Variants in ADGRL3 observed in about 807,000 individuals in gnomAD.
ADGRL3 encodes the protein calcium-independent alpha-latrotoxin receptor 3.
ADGRL3 carries 62 observed loss-of-function variants against 153.5 expected under a neutral mutation model. That is an observed-to-expected ratio of 0.40 (90% CI 0.33 to 0.50). The LOEUF (loss-of-function observed/expected upper bound fraction) is 0.50. Among genes scored for constraint, ADGRL3 ranks in the 20% least tolerant of loss-of-function variants. ADGRL3 has a pLI of 0.47. For missense variants in ADGRL3, 1,641 were observed against 1,859.4 expected (o/e 0.88, Z 2.16); for synonymous variants, 710 against 672.5 (o/e 1.06, Z -0.86).
At chr4:61,999,268 G>A (rs958592427) in intron 21 of ADGRL3, among the ~76,000 whole-genome samples, 9 of 152,068 alleles carry the variant, frequency 5.9e-5, no homozygotes, top group East Asian at 1.9e-4. Context: ...ACTTTTGTAC[G>A]TTCAGAAAGT....
chr4:61,869,327 G>A (rs571524959), intron 9 of ADGRL3, among the ~76,000 whole-genome samples: 59 of 152,208 alleles, frequency 3.9e-4, no homozygotes, highest in Middle Eastern at 3.4e-3. Flanking sequence ...GGCCGGGCGC[G>A]GTGGCTCACG....
intron 9 of ADGRL3, among the ~76,000 whole-genome samples, chr4:61,892,419 C>T (rs1023748740): frequency 2.0e-5 from 3 of 151,934 alleles, no homozygotes; most frequent in African/African-American, 7.3e-5. Flanking sequence ...TTCGAAGAAC[C>T]CTTAAAAAGC....
rs534063751 is a variant in ADGRL3, at chr4:61,760,164, A to AACCACTATTCTCTTCAAAGC, written c.1399+26611_1399+26630dup. Among the ~76,000 whole-genome samples, 84 of 152,210 alleles carry AACCACTATTCTCTTCAAAGC rather than the reference A, an allele frequency of 5.5e-4. 2 individuals are homozygous for AACCACTATTCTCTTCAAAGC. The South Asian group carries it at 0.017, about 31-fold the overall frequency. On this transcript the variant is annotated intron_variant, in intron 8 of 26. Transcript: ENST00000683033. ...CAGATCTCCAGCTGCATGCTGGGAG[A>AACCACTATTCTCTTCAAAGC]ACCACTATTCTCTTCAAAGCTGTCA...
In ADGRL3 at chr4:61,783,138, T is replaced by G. The variant is rs77605734; in HGVS notation, c.1400-30671T>G. Among the ~76,000 whole-genome samples, 13 of 152,276 alleles carry G rather than the reference T, an allele frequency of 8.5e-5. No homozygotes were observed. In the East Asian group the frequency reaches 2.5e-3, roughly 29 times the overall value. ...ACACTAATATCAGAGTATTTAAATG[T>G]GGCATCAATTTTGCCTGAGGGCCAA... is the stretch of plus-strand genomic sequence containing the variant. On this transcript the variant is annotated intron_variant, in intron 8 of 26. Coordinates refer to ENST00000683033, the MANE Select transcript of ADGRL3 (RefSeq NM_001387552.1).
chr4:61,965,342 G>A (rs2099002457), intron 17 of ADGRL3, among the ~76,000 whole-genome samples: 1 of 152,094 alleles, frequency 6.6e-6, no homozygotes, highest in African/African-American at 2.4e-5. Flanking sequence ...TAAATAAAGT[G>A]ATAAAGTTAG....
intron 21 of ADGRL3, 58 bp from the exon 22 acceptor site, chr4:62,028,797 T>A: frequency 7.0e-7 from 1 of 1,437,446 alleles, no homozygotes. Flanking sequence ...CATATGAAAT[T>A]CTTTGTCATA....
At chr4:61,544,626 C>T (rs2098705503) in intron 4 of ADGRL3, among the ~76,000 whole-genome samples, 2 of 152,054 alleles carry the variant, frequency 1.3e-5, no homozygotes, top group Non-Finnish European at 2.9e-5. Context: ...TACCCAGTAT[C>T]AAAAATATTT....
intron 21 of ADGRL3, among the ~76,000 whole-genome samples, chr4:62,026,525 A>C (rs7667039): frequency 6.6e-6 from 1 of 152,118 alleles, no homozygotes; most frequent in African/African-American, 2.4e-5. Flanking sequence ...TTGCACCCTG[A>C]TATCTCTATT....
chr4:61,421,781 T>C (rs926106646), intron 2 of ADGRL3, among the ~76,000 whole-genome samples: 15 of 152,202 alleles, frequency 9.9e-5, no homozygotes, highest in African/African-American at 3.1e-4. Flanking sequence ...GATAGTTCTA[T>C]GGATACAATT....
At chr4:61,767,513 G>A (rs924653381) in intron 8 of ADGRL3, among the ~76,000 whole-genome samples, 6 of 152,232 alleles carry the variant, frequency 3.9e-5, no homozygotes, top group South Asian at 2.1e-4. Context: ...GAAGCTCGGC[G>A]TCCGTGATGG....
intron 1 of ADGRL3, among the ~76,000 whole-genome samples, chr4:61,287,482 T>C (rs1015901854): frequency 1.3e-5 from 2 of 152,002 alleles, no homozygotes; most frequent in Admixed American, 6.6e-5. Context: ...GGATAAGAGA[T>C]CATTTAATTT....
chr4:61,789,990 C>T (rs1008838083), intron 8 of ADGRL3, among the ~76,000 whole-genome samples: 9 of 152,100 alleles, frequency 5.9e-5, no homozygotes, highest in Non-Finnish European at 1.3e-4. Flanking sequence ...AATATTCTAC[C>T]TAAATGAGAG....
intron 1 of ADGRL3, among the ~76,000 whole-genome samples, chr4:61,236,008 C>CTTTTTTTTTTTTTTTTTTTT (rs55932029): frequency 6.3e-5 from 6 of 95,850 alleles, no homozygotes; most frequent in East Asian, 3.6e-4. Context: ...CTTTTCTTTT[C>CTTTTTTTTTTTTTTTTTTTT]TTTTTTTTTT....
chr4:61,291,212 A>ACGCACACAAG (rs3035663), intron 1 of ADGRL3, among the ~76,000 whole-genome samples: 1 of 24,878 alleles, frequency 4.0e-5, no homozygotes, highest in Non-Finnish European at 1.8e-4. Flanking sequence ...ACACACACAC[A>ACGCACACAAG]CACACGCACA....
At chr4:61,434,287 G>GGCAA (rs1329910746) in intron 2 of ADGRL3, among the ~76,000 whole-genome samples, 8 of 151,912 alleles carry the variant, frequency 5.3e-5, no homozygotes, top group African/African-American at 1.5e-4. Context: ...GAAAAATGCT[G>GGCAA]GCAAATTCTG....
At chr4:61,373,469 G>C (rs1284732567) in intron 1 of ADGRL3, among the ~76,000 whole-genome samples, 1 of 152,082 alleles carries the variant, frequency 6.6e-6, no homozygotes, top group Non-Finnish European at 1.5e-5. Context: ...TCATTGTTAA[G>C]GGGGAAAGTA....
chr4:61,898,175 C>T (rs550411785), intron 11 of ADGRL3, among the ~76,000 whole-genome samples: 7 of 152,206 alleles, frequency 4.6e-5, no homozygotes, highest in East Asian at 3.9e-4. Context: ...AAGTCCACCA[C>T]GTAGGGCAGA....
intron 25 of ADGRL3, among the ~76,000 whole-genome samples, chr4:62,060,215 T>C (rs1409562058): frequency 6.6e-6 from 1 of 151,974 alleles, no homozygotes; most frequent in Non-Finnish European, 1.5e-5. Context: ...TTTAGATCAA[T>C]ATAGAAAAAA....
intron 18 of ADGRL3, 81 bp from the exon 19 acceptor site, chr4:61,983,302 A>C: frequency 9.5e-7 from 1 of 1,050,688 alleles, no homozygotes; most frequent in Non-Finnish European, 1.4e-6. Context: ...AGTTTTGGTA[A>C]ATATTTAATT....
Sources: allele counts gnomAD v4.1 joint callset (sites outside exome capture counted in the v4.1 genomes callset), GRCh38; gene constraint gnomAD v4.1.1; transcripts MANE v1.5; gene names NCBI Gene and HGNC (gene_info 2026-07-23, HGNC 2026-07-21).